The following SP3 variants were observed in gnomAD, a reference collection of about 807,000 sequenced individuals.
SP3 encodes transcription factor Sp3.
In SP3, 10 loss-of-function variants were observed where a neutral mutation model predicts 70.3. The observed-to-expected ratio is 0.14, with a 90% CI of 0.09 to 0.24. The LOEUF (loss-of-function observed/expected upper bound fraction) is 0.24. Among genes scored for constraint, SP3 ranks in the 10% least tolerant of loss-of-function variants. The probability of loss-of-function intolerance (pLI) is 1.00; values close to 1 mark genes in which losing one functional copy is unlikely to be tolerated. For missense variants in SP3, 825 were observed against 914.6 expected (o/e 0.90, Z 1.26); for synonymous variants, 402 against 333.5 (o/e 1.21, Z -2.24).
At chr2:173,949,680 C>T (rs1463000082) in intron 4 of SP3, among the ~76,000 whole-genome samples, 1 of 151,952 alleles carries the variant, frequency 6.6e-6, no homozygotes, top group Non-Finnish European at 1.5e-5. Flanking sequence ...AAAAAGCCTG[C>T]CTTTTATAAG....
chr2:173,964,859 G>A (rs1181339345), intron 1 of SP3: 4 of 483,578 alleles, frequency 8.3e-6, no homozygotes, highest in Non-Finnish European at 1.4e-5. Flanking sequence ...ACTCGCGCTC[G>A]CTCCTCTCGC....
In SP3 at chr2:173,965,361, G is replaced by C; in HGVS notation, c.-190C>G. On this transcript the variant is annotated 5_prime_UTR_variant, in exon 1 of 7. Transcript: ENST00000310015. ...GGTGGAGCCTCCAGCCCAAAAGGGG[G>C]GAAGAGGGTGACAGCCCGCCCGGAA... 1.6e-6 allele frequency: 1 copy of C among 637,256 alleles called. No homozygotes were observed. Among genetic ancestry groups the C allele is most frequent in the Non-Finnish European group, 2.7e-6 (1 of 370,844 alleles). 39.5% of individuals were successfully genotyped at this position (637,256 alleles called of 1,614,324 possible).
chr2:173,910,328 A>G, intron 6 of SP3, 71 bp from the exon 7 acceptor site: 1 of 1,321,880 alleles, frequency 7.6e-7, no homozygotes, highest in East Asian at 2.4e-5. Context: ...CTCCCCCAAA[A>G]CAGAAAGTAA....
chr2:173,921,495 C>T (rs886973956), intron 4 of SP3, among the ~76,000 whole-genome samples: 2 of 151,822 alleles, frequency 1.3e-5, no homozygotes, highest in African/African-American at 2.4e-5. Context: ...TCAAGACCAG[C>T]CTGAGCCAAG....
intron 4 of SP3, among the ~76,000 whole-genome samples, chr2:173,919,709 G>A (rs1002706823): frequency 6.6e-6 from 1 of 152,138 alleles, no homozygotes; most frequent in Non-Finnish European, 1.5e-5. Context: ...AGACCGTACA[G>A]ACTGTTGGCA....
In SP3 at chr2:173,904,853, G is replaced by C. The variant is rs1427061628; in HGVS notation, c.*5088C>G. Among the ~76,000 whole-genome samples, 3 of 152,092 alleles carry C rather than the reference G, an allele frequency of 2.0e-5. No homozygotes were observed. Among genetic ancestry groups the C allele is most frequent in the Non-Finnish European group, 2.9e-5 (2 of 68,002 alleles). On this transcript the variant is annotated 3_prime_UTR_variant, in exon 7 of 7. Transcript: ENST00000310015. The stretch of plus-strand genomic sequence containing the variant: ...TCGGAGGCTTAGACTTTTTTTTGTG[G>C]GGGAAGGATGGAGGGGAGAAATAAC...
At chr2:173,933,499 A>G (rs1277163829) in intron 4 of SP3, among the ~76,000 whole-genome samples, 2 of 151,754 alleles carry the variant, frequency 1.3e-5, no homozygotes, top group Non-Finnish European at 2.9e-5. Context: ...TGACTTATGA[A>G]TCAATGTTAA....
chr2:173,920,433 G>A (rs942583521), intron 4 of SP3, among the ~76,000 whole-genome samples: 1 of 152,004 alleles, frequency 6.6e-6, no homozygotes, highest in Non-Finnish European at 1.5e-5. Context: ...ATGGACTTTG[G>A]GTGATAATAC....
At chr2:173,936,936 C>G (rs1282012869) in intron 4 of SP3, among the ~76,000 whole-genome samples, 7 of 151,936 alleles carry the variant, frequency 4.6e-5, no homozygotes, top group Non-Finnish European at 8.8e-5. Context: ...TTCCTCTGAA[C>G]TTCTACACAG....
At chr2:173,918,830 G>A in intron 4 of SP3, 45 bp from the exon 5 acceptor site, 1 of 1,517,440 alleles carries the variant, frequency 6.6e-7, no homozygotes, top group Non-Finnish European at 8.9e-7. Context: ...GCAACCAAAT[G>A]GCCCAAAAAG....
At chr2:173,964,278 G>C in intron 2 of SP3, 127 bp downstream of exon 2, 1 of 519,814 alleles carries the variant, frequency 1.9e-6, no homozygotes, top group Non-Finnish European at 3.4e-6. Context: ...TCCCGGGGCG[G>C]GGGGAGGGGA....
At chr2:173,965,021 CA>C in intron 1 of SP3, 143 bp downstream of exon 1, 1 of 1,061,216 alleles carries the variant, frequency 9.4e-7, no homozygotes, top group Non-Finnish European at 1.4e-6. Flanking sequence ...GAGGGAGGCG[CA>C]GGGGAGTGCA....
chr2:173,942,014 C>CCCTG lies in SP3; in HGVS notation c.1639+12855_1639+12858dup, dbSNP rs1690383765. Among the ~76,000 whole-genome samples, 2 of 152,182 alleles carry CCCTG rather than the reference C, an allele frequency of 1.3e-5. 1 individual carries two copies. The highest frequency in any genetic ancestry group is 4.1e-4 in the South Asian group (2 of 4,838). ...GGGTTACATTTGATTCTGTGCCAGA[C>CCCTG]CCTGCATTTAAAAAGTCTAGAATAG... On this transcript the variant is annotated intron_variant, in intron 4 of 6. Coordinates refer to ENST00000310015, the MANE Select transcript of SP3 (RefSeq NM_003111.5).
intron 4 of SP3, among the ~76,000 whole-genome samples, chr2:173,951,211 C>T (rs184356766): frequency 2.0e-5 from 3 of 152,290 alleles, no homozygotes; most frequent in Admixed American, 6.5e-5. Flanking sequence ...TAATTTTGTA[C>T]ACACATTAAA....
chr2:173,925,037 A>T (rs2105466119), intron 4 of SP3, among the ~76,000 whole-genome samples: 1 of 152,170 alleles, frequency 6.6e-6, no homozygotes. Flanking sequence ...ACAGGCATGC[A>T]ACACCACACC....
chr2:173,906,765 C>T lies in SP3; in HGVS notation c.*3176G>A, dbSNP rs902268745. ...CTTGCTCTATTTTAAGTGATTGTAACGCAGGAGTGTTTAACAGAACCACTT... is the reference window on the plus strand; with the variant it reads ...CTTGCTCTATTTTAAGTGATTGTAATGCAGGAGTGTTTAACAGAACCACTT... On this transcript the variant is annotated 3_prime_UTR_variant, in exon 7 of 7. Coordinates refer to ENST00000310015, the MANE Select transcript of SP3 (RefSeq NM_003111.5). The T allele has an allele frequency of 1.1e-4, 16 of 152,114 alleles. No homozygotes were observed. Among genetic ancestry groups the T allele is most frequent in the Non-Finnish European group, 1.0e-4 (7 of 68,008 alleles). 9.4% of individuals were successfully genotyped at this position (152,114 alleles called of 1,614,324 possible).
intron 4 of SP3, among the ~76,000 whole-genome samples, chr2:173,945,899 A>C (rs572656611): frequency 6.6e-6 from 1 of 152,184 alleles, no homozygotes; most frequent in Admixed American, 6.5e-5. Flanking sequence ...GCTGATGTGG[A>C]CGGATCATTT....
chr2:173,950,754 T>C (rs905070217), intron 4 of SP3, among the ~76,000 whole-genome samples: 14 of 151,938 alleles, frequency 9.2e-5, no homozygotes, highest in Non-Finnish European at 1.8e-4. Context: ...GAAACAAAAA[T>C]GTTTTGCTCT....
At chr2:173,923,608 G>C (rs1010711972) in intron 4 of SP3, among the ~76,000 whole-genome samples, 1 of 152,014 alleles carries the variant, frequency 6.6e-6, no homozygotes, top group African/African-American at 2.4e-5. Context: ...GCTAACATTA[G>C]ATAAATATGA....
Sources: gnomAD v4.1 joint callset for allele counts (sites outside exome capture counted in the v4.1 genomes callset) on GRCh38, gnomAD v4.1.1 for gene constraint, MANE v1.5 for transcripts, NCBI Gene and HGNC (gene_info 2026-07-23, HGNC 2026-07-21) for gene names.